PIP5K1B: variants seen among roughly 807,000 people sequenced by gnomAD.
PIP5K1B encodes phosphatidylinositol-4-phosphate 5-kinase type 1 beta, also known as phosphatidylinositol 4-phosphate 5-kinase type-1 beta.
Under a neutral mutation model 67.0 loss-of-function variants are expected in PIP5K1B, and 42 were observed. That is an observed-to-expected ratio of 0.63 (90% CI 0.49 to 0.81). PIP5K1B has a LOEUF of 0.81. Among genes scored for constraint, PIP5K1B ranks in the 30% least tolerant of loss-of-function variants. PIP5K1B has a pLI of 0.00. For synonymous variants in PIP5K1B, 214 were observed against 231.4 expected, an observed-to-expected ratio of 0.92 and a Z score of 0.68; for missense variants, 459 against 646.3, an observed-to-expected ratio of 0.71 and a Z score of 3.14.
intron 4 of PIP5K1B, among the ~76,000 whole-genome samples, chr9:68,861,084 T>C (rs1385556717): frequency 6.6e-6 from 1 of 152,244 alleles, no homozygotes; most frequent in African/African-American, 2.4e-5. Flanking sequence ...ATCAAGTGCC[T>C]GGCATAAATT....
At chr9:68,768,477 G>A (rs1272125094) in intron 2 of PIP5K1B, among the ~76,000 whole-genome samples, 1 of 152,190 alleles carries the variant, frequency 6.6e-6, no homozygotes, top group African/African-American at 2.4e-5. Flanking sequence ...TCAAGGGGCA[G>A]AAGAGGAATT....
intron 2 of PIP5K1B, among the ~76,000 whole-genome samples, chr9:68,771,193 A>C (rs984870538): frequency 2.0e-5 from 3 of 152,238 alleles, no homozygotes; most frequent in Non-Finnish European, 4.4e-5. Flanking sequence ...GGTGATTTCT[A>C]AAGTCCCTTT....
At position 68,911,342 on chromosome 9, in the gene PIP5K1B, C is replaced by G. The variant is rs527724431; in HGVS notation, c.772-6206C>G. ...GAGCCGAGAACATGCCATTGCACTC[C>G]AGCCTGGGCAACAAGAGCAAAACTC... On this transcript the variant is annotated intron_variant, in intron 8 of 15. Transcript: ENST00000265382. Among the ~76,000 whole-genome samples the G allele has an allele frequency of 5.3e-5, 8 of 149,902 alleles. No homozygotes were observed. The South Asian group carries it at 1.5e-3, about 28-fold the overall frequency.
chr9:68,998,300 C>T (rs943049550), intron 15 of PIP5K1B, among the ~76,000 whole-genome samples: 3 of 152,166 alleles, frequency 2.0e-5, no homozygotes, highest in Non-Finnish European at 4.4e-5. Context: ...AGCGATCCGC[C>T]CACCTCGGCC....
chr9:68,945,509 A>T (rs1418500775), intron 14 of PIP5K1B, among the ~76,000 whole-genome samples: 1 of 152,230 alleles, frequency 6.6e-6, no homozygotes, highest in Non-Finnish European at 1.5e-5. Context: ...AATTTTGCTT[A>T]TTAAAAACAG....
At chr9:68,714,572 T>C (rs1587329498) in intron 1 of PIP5K1B, among the ~76,000 whole-genome samples, 1 of 152,158 alleles carries the variant, frequency 6.6e-6, no homozygotes. Context: ...CACCTGAGGC[T>C]CTGCTGGCCA....
chr9:68,748,786 A>C (rs1829465281), intron 2 of PIP5K1B, among the ~76,000 whole-genome samples: 1 of 151,866 alleles, frequency 6.6e-6, no homozygotes, highest in South Asian at 2.1e-4. Context: ...ACGCCCTGCT[A>C]TTTTTAGTAG....
chr9:68,879,808 C>T (rs1025493079), intron 6 of PIP5K1B, among the ~76,000 whole-genome samples: 4 of 151,828 alleles, frequency 2.6e-5, no homozygotes, highest in African/African-American at 9.7e-5. Context: ...ATATGTATAA[C>T]TATTATATAT....
At chr9:68,994,601 A>AT (rs1830526086) in intron 15 of PIP5K1B, among the ~76,000 whole-genome samples, 1 of 152,160 alleles carries the variant, frequency 6.6e-6, no homozygotes, top group Non-Finnish European at 1.5e-5. Context: ...ATGAAAGGGA[A>AT]TGAGAATAAA....
chr9:68,845,390 G>C (rs1266114221), intron 4 of PIP5K1B, among the ~76,000 whole-genome samples: 1 of 152,082 alleles, frequency 6.6e-6, no homozygotes, highest in Non-Finnish European at 1.5e-5. Context: ...GTGGAGCCGT[G>C]GGGGTTCTCT....
rs144072121 is a variant in PIP5K1B, at chr9:68,929,960, G to A, written c.1202-4930G>A. ...GCTGGGATTACAGGTGTGAGCCACC[G>A]CACCCAGCCTCTTTCAGTCTTCTTA... On this transcript the variant is annotated intron_variant, in intron 12 of 15. Transcript: ENST00000265382. Among the ~76,000 whole-genome samples, 150 of 152,286 alleles carry A rather than the reference G, an allele frequency of 9.8e-4. 1 individual carries two copies. Among genetic ancestry groups the A allele is most frequent in the Non-Finnish European group, 1.5e-3 (99 of 68,022 alleles).
At chr9:68,788,856 G>A in intron 2 of PIP5K1B, 2 of 237,882 alleles carry the variant, frequency 8.4e-6, no homozygotes, top group East Asian at 1.2e-4. Context: ...CACTGGGATT[G>A]CAACCAGTTT....
intron 2 of PIP5K1B, chr9:68,786,169 G>A (rs1188142105): frequency 3.9e-5 from 6 of 152,174 alleles, no homozygotes; most frequent in Admixed American, 2.6e-4. Flanking sequence ...TCACCAGATT[G>A]TGATTCCCTT....
At chr9:68,992,839 CAAAAAAAAAAAAAAAA>C (rs201517701) in intron 15 of PIP5K1B, among the ~76,000 whole-genome samples, 40 of 57,572 alleles carry the variant, frequency 6.9e-4, no homozygotes, top group Non-Finnish European at 8.7e-4. Flanking sequence ...GACCCTGTCT[CAAAAAAAAAAAAAAAA>C]AAAAAAAAAA....
chr9:68,821,819 T>C (rs1833745046), intron 3 of PIP5K1B, among the ~76,000 whole-genome samples: 1 of 152,336 alleles, frequency 6.6e-6, no homozygotes, highest in East Asian at 1.9e-4. Flanking sequence ...TCAACTATCC[T>C]TCAATATTAG....
intron 4 of PIP5K1B, among the ~76,000 whole-genome samples, chr9:68,856,461 C>T (rs1326449646): frequency 6.6e-6 from 1 of 152,212 alleles, no homozygotes; most frequent in Non-Finnish European, 1.5e-5. Flanking sequence ...AGGTCTCAGC[C>T]TACAGATCAT....
chr9:68,842,133 G>A (rs936386074), intron 4 of PIP5K1B, among the ~76,000 whole-genome samples: 10 of 152,214 alleles, frequency 6.6e-5, no homozygotes, highest in African/African-American at 1.9e-4. Flanking sequence ...CATTTCTCAT[G>A]CTTGGATGGC....
chr9:68,811,280 G>A (rs573165274), intron 2 of PIP5K1B, among the ~76,000 whole-genome samples: 1 of 152,152 alleles, frequency 6.6e-6, no homozygotes, highest in South Asian at 2.1e-4. Context: ...TTTGTTTTAT[G>A]GCCCATCATT....
intron 12 of PIP5K1B, among the ~76,000 whole-genome samples, chr9:68,929,680 G>T (rs1195428498): frequency 2.6e-5 from 4 of 151,724 alleles, no homozygotes; most frequent in Non-Finnish European, 5.9e-5. Flanking sequence ...TTTTGTTTTT[G>T]TTTTTTTGAG....
Sources: allele counts gnomAD v4.1 joint callset (sites outside exome capture counted in the v4.1 genomes callset), GRCh38; gene constraint gnomAD v4.1.1; transcripts MANE v1.5; gene names NCBI Gene and HGNC (gene_info 2026-07-23, HGNC 2026-07-21).